Variants in DENND1B observed in about 807,000 individuals in gnomAD.
The protein encoded by DENND1B is DENN domain-containing protein 1B.
DENND1B carries 59 observed loss-of-function variants against 90.1 expected under a neutral mutation model. The ratio of observed to expected loss-of-function variants is 0.65; its 90% CI spans 0.53 to 0.81. The LOEUF (loss-of-function observed/expected upper bound fraction) is 0.81. Ranked by LOEUF, DENND1B falls within the 40% of genes least tolerant of loss-of-function variation. The probability of loss-of-function intolerance (pLI) is 0.00; values close to 1 mark genes in which losing one functional copy is unlikely to be tolerated. For missense variants in DENND1B, 862 were observed against 912.6 expected (o/e 0.94, Z 0.71); for synonymous variants, 337 against 324.6 (o/e 1.04, Z -0.41).
chr1:197,775,013 G>T, intron 1 of DENND1B, 126 bp downstream of exon 1: 1 of 573,960 alleles, frequency 1.7e-6, no homozygotes, highest in Non-Finnish European at 2.5e-6. Context: ...CGCACCCCCA[G>T]CCCGCCCGGC....
chr1:197,505,321 T>C lies in DENND1B; in HGVS notation c.*5139A>G, dbSNP rs930533863. The C allele has an allele frequency of 1.3e-5, 2 of 151,730 alleles. No individual in the cohort carries two copies. Among genetic ancestry groups the C allele is most frequent in the African/African-American group, 4.8e-5 (2 of 41,376 alleles). 9.4% of individuals were successfully genotyped at this position (151,730 alleles called of 1,614,324 possible). ...GCAGGTTTTAAATTCTGCCTTGTCC[T>C]AAACATCATATAATCAACCAAAGTG... On this transcript the variant is annotated 3_prime_UTR_variant, in exon 23 of 23. Transcript: ENST00000620048.
intron 2 of DENND1B, chr1:197,736,214 T>C (rs1662673791): frequency 2.3e-6 from 1 of 427,936 alleles, no homozygotes; most frequent in African/African-American, 2.1e-5. Flanking sequence ...TCAAGCTCAA[T>C]TTTAAGCTGC....
rs190537688 is a variant in DENND1B at position 197,735,559 on chromosome 1, A to T, written c.83-20485T>A. The T allele has an allele frequency of 4.3e-6, 7 of 1,613,976 alleles. No individual in the cohort carries two copies. The Admixed American group carries it at 6.7e-5, about 15-fold the overall frequency. ...CATTCCATTTACAAAGTGTTCTTAG[A>T]CTTTTATGAATTCTAAAGGGTATTA... On this transcript the variant is annotated intron_variant, in intron 2 of 22. Coordinates refer to ENST00000620048, the MANE Select transcript of DENND1B (RefSeq NM_001195215.2).
intron 2 of DENND1B, among the ~76,000 whole-genome samples, chr1:197,729,451 A>G (rs1661953799): frequency 6.6e-6 from 1 of 152,130 alleles, no homozygotes; most frequent in Non-Finnish European, 1.5e-5. Context: ...ATCAATTCTG[A>G]TTTAAAGGTA....
intron 10 of DENND1B, among the ~76,000 whole-genome samples, chr1:197,640,211 G>A (rs1405450420): frequency 1.3e-5 from 2 of 152,092 alleles, no homozygotes; most frequent in East Asian, 1.9e-4. Context: ...GGTGGCTCAC[G>A]CCTGTAATCC....
chr1:197,690,090 T>A (rs1657702880), intron 3 of DENND1B: 1 of 206,596 alleles, frequency 4.8e-6, no homozygotes, highest in Non-Finnish European at 1.0e-5. Flanking sequence ...CAGCATGTGG[T>A]CTACTTTTGC....
intron 20 of DENND1B, among the ~76,000 whole-genome samples, chr1:197,535,885 G>A (rs1327447602): frequency 6.6e-6 from 1 of 152,112 alleles, no homozygotes; most frequent in Non-Finnish European, 1.5e-5. Flanking sequence ...TGCTTCAACT[G>A]AGGGCCTATA....
chr1:197,650,457 G>A (rs960854929), intron 7 of DENND1B, among the ~76,000 whole-genome samples: 1 of 152,178 alleles, frequency 6.6e-6, no homozygotes, highest in Non-Finnish European at 1.5e-5. Context: ...AAACAGTGTT[G>A]AGATTCCTTA....
chr1:197,675,439 TA>T (rs376776321), intron 3 of DENND1B, among the ~76,000 whole-genome samples: 10 of 147,014 alleles, frequency 6.8e-5, no homozygotes, highest in South Asian at 2.2e-4. Flanking sequence ...AAGGATCTTG[TA>T]AAAAAAAAAA....
intron 7 of DENND1B, among the ~76,000 whole-genome samples, chr1:197,651,713 T>C (rs993573708): frequency 4.5e-5 from 6 of 133,708 alleles, no homozygotes; most frequent in Non-Finnish European, 7.7e-5. Flanking sequence ...TGGAGTGCAG[T>C]AACACGATCT....
intron 16 of DENND1B, among the ~76,000 whole-genome samples, chr1:197,547,734 G>T (rs1253708173): frequency 2.0e-5 from 3 of 152,044 alleles, no homozygotes; most frequent in Non-Finnish European, 2.9e-5. Flanking sequence ...TATTTGGCTT[G>T]ACCAAACTTT....
chr1:197,586,609 G>GA (rs1468655248), intron 14 of DENND1B, among the ~76,000 whole-genome samples: 1 of 152,166 alleles, frequency 6.6e-6, no homozygotes, highest in Non-Finnish European at 1.5e-5. Flanking sequence ...AATATAGAAA[G>GA]AAAACCACAT....
At chr1:197,760,849 T>C (rs1441547532) in intron 2 of DENND1B, among the ~76,000 whole-genome samples, 2 of 152,130 alleles carry the variant, frequency 1.3e-5, no homozygotes, top group African/African-American at 2.4e-5. Context: ...ATGAGACAAA[T>C]ATTTACAAAT....
At chr1:197,706,521 A>C (rs1013541400) in intron 3 of DENND1B, among the ~76,000 whole-genome samples, 5 of 152,250 alleles carry the variant, frequency 3.3e-5, no homozygotes, top group Admixed American at 2.6e-4. Flanking sequence ...ATGTATACGT[A>C]AACTAATCAT....
At chr1:197,734,550 T>C in intron 2 of DENND1B, 2 of 976,610 alleles carry the variant, frequency 2.0e-6, no homozygotes, top group Non-Finnish European at 2.4e-6. Context: ...TTTTGTGTTA[T>C]TGGTATAAAA....
chr1:197,735,937 GA>G, intron 2 of DENND1B: 1 of 1,488,814 alleles, frequency 6.7e-7, no homozygotes, highest in Non-Finnish European at 9.3e-7. Context: ...CCTGAAGTTA[GA>G]AAGGCTCAAC....
intron 3 of DENND1B, among the ~76,000 whole-genome samples, chr1:197,678,874 A>C (rs1656360028): frequency 6.6e-6 from 1 of 152,130 alleles, no homozygotes; most frequent in Non-Finnish European, 1.5e-5. Flanking sequence ...TTTTAAACTT[A>C]GGGCCAAAAA....
At chr1:197,676,082 C>CAAAAAAAAAAAAAAAAAAA (rs3046951) in intron 3 of DENND1B, among the ~76,000 whole-genome samples, 1 of 114,928 alleles carries the variant, frequency 8.7e-6, no homozygotes, top group African/African-American at 3.6e-5. Context: ...ACAGTATAGA[C>CAAAAAAAAAAAAAAAAAAA]AAAAAAAAAA....
intron 10 of DENND1B, among the ~76,000 whole-genome samples, chr1:197,635,546 C>T (rs938895402): frequency 2.6e-5 from 4 of 151,958 alleles, no homozygotes; most frequent in Admixed American, 2.6e-4. Flanking sequence ...CTACATTGCG[C>T]AGGCTATTCT....
Sources: allele counts gnomAD v4.1 joint callset (sites outside exome capture counted in the v4.1 genomes callset), GRCh38; gene constraint gnomAD v4.1.1; transcripts MANE v1.5; gene names NCBI Gene and HGNC (gene_info 2026-07-23, HGNC 2026-07-21).